The following WDR45B variants were observed in gnomAD, a reference collection of about 807,000 sequenced individuals.
The protein encoded by WDR45B is WD repeat domain phosphoinositide-interacting protein 3.
WDR45B carries 20 observed loss-of-function variants against 44.6 expected under a neutral mutation model. That is an observed-to-expected ratio of 0.45 (90% CI 0.32 to 0.65). The LOEUF is 0.65. WDR45B is among the 30% of genes least tolerant of loss of function. The pLI is 0.05. For synonymous variants in WDR45B, 169 were observed against 164.9 expected (o/e 1.02, Z -0.19); for missense variants, 323 against 430.2 (o/e 0.75, Z 2.20).
Position 82,648,357 on chromosome 17 carries a change from G to A in WDR45B, c.-17C>T, listed in dbSNP as rs2046009812. On this transcript the variant is annotated 5_prime_UTR_variant, in exon 1 of 10. Transcript: ENST00000392325. ...GAGGTTCATGGCGCCGCCGTGCTGG[G>A]TCGCCGCTCCTCAGCGCTGCATGCC... 1 of 1,604,132 alleles carries A rather than the reference G, an allele frequency of 6.2e-7. No homozygotes were observed. The highest frequency in any genetic ancestry group is 1.3e-5 in the African/African-American group (1 of 74,146).
intron 2 of WDR45B, chr17:82,636,580 T>C (rs1380452931): frequency 3.7e-4 from 57 of 152,072 alleles, no homozygotes; most frequent in Admixed American, 3.7e-3. Context: ...GAGCTTTCTA[T>C]GTTCCAGATC....
intron 2 of WDR45B, among the ~76,000 whole-genome samples, chr17:82,640,969 G>T (rs1339537364): frequency 2.3e-5 from 3 of 131,856 alleles, no homozygotes; most frequent in Non-Finnish European, 3.1e-5. Flanking sequence ...TCTTGTCTGG[G>T]TTTTTTTTTT....
At chr17:82,640,212 C>T (rs918220000) in intron 2 of WDR45B, among the ~76,000 whole-genome samples, 4 of 152,096 alleles carry the variant, frequency 2.6e-5, no homozygotes, top group African/African-American at 9.7e-5. Flanking sequence ...GCACAGTCAC[C>T]CTGGAGAGAA....
intron 2 of WDR45B, among the ~76,000 whole-genome samples, chr17:82,641,380 C>T (rs560915451): frequency 9.6e-4 from 146 of 152,106 alleles, no homozygotes; most frequent in Non-Finnish European, 1.7e-3. Context: ...AGGTTTTCAC[C>T]CACGGTTCCT....
At chr17:82,625,352 C>G in intron 5 of WDR45B, 37 bp downstream of exon 5, 1 of 1,594,872 alleles carries the variant, frequency 6.3e-7, no homozygotes, top group Non-Finnish European at 8.6e-7. Context: ...CCATGTGGAC[C>G]CATTTCCCAT....
At chr17:82,620,196 G>A (rs1160816044) in intron 6 of WDR45B, among the ~76,000 whole-genome samples, 5 of 152,266 alleles carry the variant, frequency 3.3e-5, no homozygotes, top group South Asian at 2.1e-4. Context: ...CACTTTGGGA[G>A]GCTGAGGCGG....
rs1427870488 is a variant in WDR45B, at chr17:82,616,541, T to C, written c.911A>G (p.Glu304Gly). ...CCACTCACCAATGACGGCGTTTGGC[T>C]CTGTTCCAAAGGCACAAATGCACGG... ...GSPCICAFGT[E>G]PNAVIAICAD... Residue 304 changes from glutamate (E) to glycine (G), a missense_variant, in exon 9 of 10, where the codon GAG becomes GGG. Coordinates refer to ENST00000392325, the MANE Select transcript of WDR45B (RefSeq NM_019613.4). 1 of 1,614,152 alleles carries C rather than the reference T, an allele frequency of 6.2e-7. No individual in the cohort carries two copies. The highest frequency in any genetic ancestry group is 8.5e-7 in the Non-Finnish European group (1 of 1,180,026).
At chr17:82,625,794 G>A in intron 4 of WDR45B, 1 of 381,336 alleles carries the variant, frequency 2.6e-6, no homozygotes, top group Non-Finnish European at 5.0e-6. Flanking sequence ...ACAGACAGAA[G>A]TGATATTTTT....
chr17:82,646,014 G>C (rs1275777490), intron 1 of WDR45B, among the ~76,000 whole-genome samples: 2 of 151,796 alleles, frequency 1.3e-5, no homozygotes, highest in Non-Finnish European at 2.9e-5. Context: ...CCAACTACTC[G>C]GGAGCCTGAG....
At chr17:82,646,331 TACA>T (rs2045975013) in intron 1 of WDR45B, among the ~76,000 whole-genome samples, 2 of 149,576 alleles carry the variant, frequency 1.3e-5, no homozygotes, top group Non-Finnish European at 3.0e-5. Flanking sequence ...CTACTAAAAA[TACA>T]AAATTAGCCA....
At chr17:82,619,568 A>AT (rs1412635718) in intron 6 of WDR45B, among the ~76,000 whole-genome samples, 2 of 151,964 alleles carry the variant, frequency 1.3e-5, no homozygotes, top group East Asian at 1.9e-4. Context: ...AGGCAAAAAA[A>AT]AAAAAATAAA....
Position 82,616,979 on chromosome 17 carries a change from G to A in WDR45B, c.806+317C>T, listed in dbSNP as rs543724357. On this transcript the variant is annotated intron_variant, in intron 8 of 9. Coordinates refer to ENST00000392325, the MANE Select transcript of WDR45B (RefSeq NM_019613.4). ...ACTACAGGCACCCGCCACCACGCCC[G>A]GCTAGTTTTTGTTTTTTAGTAGAGA... 9.2e-5 allele frequency among the ~76,000 whole-genome samples: 14 copies of A among 151,680 alleles called. No homozygotes were observed. In the South Asian group the frequency reaches 2.3e-3, roughly 25 times the overall value.
chr17:82,644,130 CACACAG>C, intron 1 of WDR45B, 107 bp from the exon 2 acceptor site: 1 of 995,248 alleles, frequency 1.0e-6, no homozygotes, highest in South Asian at 1.3e-5. Context: ...ATGCTCAAAC[CACACAG>C]ACACGATAGG....
At position 82,627,307 on chromosome 17, in the gene WDR45B, G is replaced by A. The variant is rs747866353; in HGVS notation, c.245-16C>T. 3.8e-6 allele frequency: 6 copies of A among 1,592,838 alleles called. No individual in the cohort carries two copies. Among genetic ancestry groups the A allele is most frequent in the East Asian group, 4.5e-5 (2 of 44,802 alleles). The stretch of plus-strand genomic sequence containing the variant: ...CAGATCATTACTGAAATATCAGAAA[G>A]AAAAGATGAATGCAGTCATCAGCAG... On this transcript the variant is annotated splice_polypyrimidine_tract_variant and intron_variant, in intron 3 of 9. Transcript: ENST00000392325.
chr17:82,626,716 G>A (rs998129625), intron 4 of WDR45B: 2 of 205,650 alleles, frequency 9.7e-6, no homozygotes, highest in Non-Finnish European at 2.0e-5. Context: ...AACGTACTAG[G>A]ACAAACTTCC....
intron 8 of WDR45B, among the ~76,000 whole-genome samples, chr17:82,616,862 G>C (rs1188452711): frequency 6.6e-6 from 1 of 151,778 alleles, no homozygotes; most frequent in African/African-American, 2.4e-5. Flanking sequence ...CTGTAGCCCA[G>C]GCTGGAGTGC....
At chr17:82,640,027 T>A (rs1259488424) in intron 2 of WDR45B, among the ~76,000 whole-genome samples, 3 of 106,536 alleles carry the variant, frequency 2.8e-5, no homozygotes, top group African/African-American at 1.1e-4. Context: ...GGGTGTACAA[T>A]GGATGCAGGA....
chr17:82,630,367 G>A (rs950350223), intron 3 of WDR45B, among the ~76,000 whole-genome samples: 1 of 131,966 alleles, frequency 7.6e-6, no homozygotes, highest in Non-Finnish European at 1.5e-5. Context: ...CTTTCGCCTT[G>A]AGCCCTCTTT....
At chr17:82,630,089 C>T in intron 3 of WDR45B, 1 of 666,136 alleles carries the variant, frequency 1.5e-6, no homozygotes. Context: ...TGGCACTGGG[C>T]TCAGACGAGG....
Sources: gnomAD v4.1 joint callset for allele counts (sites outside exome capture counted in the v4.1 genomes callset) on GRCh38, gnomAD v4.1.1 for gene constraint, MANE v1.5 for transcripts, NCBI Gene and HGNC (gene_info 2026-07-23, HGNC 2026-07-21) for gene names.